LRP12: variants seen among roughly 807,000 people sequenced by gnomAD.
The protein encoded by LRP12 is low-density lipoprotein receptor-related protein 12.
LRP12 carries 14 observed loss-of-function variants against 66.0 expected under a neutral mutation model. That is an observed-to-expected ratio of 0.21 (90% CI 0.14 to 0.33). The LOEUF (loss-of-function observed/expected upper bound fraction) is 0.33, where lower values mean the gene tolerates loss of function less well. LRP12 is among the 10% of genes least tolerant of loss of function. LRP12 has a pLI of 1.00. For missense variants in LRP12, 889 were observed against 1,053.4 expected (o/e 0.84, Z 2.16); for synonymous variants, 357 against 359.1 (o/e 0.99, Z 0.07).
At chr8:104,521,821 G>T (rs1811157179) in intron 2 of LRP12, among the ~76,000 whole-genome samples, 2 of 151,644 alleles carry the variant, frequency 1.3e-5, no homozygotes, top group African/African-American at 4.8e-5. Flanking sequence ...TATAACACTG[G>T]TCAAAAGAAC....
chr8:104,523,792 A>G (rs1343706540), intron 2 of LRP12, among the ~76,000 whole-genome samples: 1 of 152,204 alleles, frequency 6.6e-6, no homozygotes, highest in Non-Finnish European at 1.5e-5. Flanking sequence ...CTGTAGACTG[A>G]GGTCTGCAAC....
rs117997269 is a variant in LRP12 at position 104,521,345 on chromosome 8, A to G, written c.136+10562T>C. On this transcript the variant is annotated intron_variant, in intron 2 of 6. Transcript: ENST00000276654. ...TGTAACATAAAAATATAACATAATT[A>G]TTTTGTTATAAATACATAATTGTTC... 6.1e-3 allele frequency among the ~76,000 whole-genome samples: 919 copies of G among 151,568 alleles called. 6 individuals carry two copies. Among genetic ancestry groups the G allele is most frequent in the Middle Eastern group, 0.048 (14 of 290 alleles).
Position 104,491,429 on chromosome 8 carries a change from A to G in LRP12, c.1824T>C (p.Asn608=). 6.2e-7 allele frequency: 1 copy of G among 1,614,138 alleles called. No homozygotes were observed. Among genetic ancestry groups the G allele is most frequent in the Non-Finnish European group, 8.5e-7 (1 of 1,180,018 alleles). ...ACCCAGAATGACGTGATCTTGCAAA[A>G]TTAAAAATACGGTTCCAAATGTTGC... The part of the protein sequence containing the change: ...RSSNIWNRIF[N]FARSRHSGSL... The change falls in exon 7 of 7, where the codon AAT becomes AAC. Residue 608 remains asparagine, a synonymous_variant. Transcript: ENST00000276654.
chr8:104,516,459 A>C (rs1388572816), intron 2 of LRP12, among the ~76,000 whole-genome samples: 2 of 152,160 alleles, frequency 1.3e-5, no homozygotes, highest in East Asian at 3.8e-4. Flanking sequence ...TCAATTAAGA[A>C]AGGGAGAATT....
chr8:104,567,962 T>G (rs1278918552), intron 1 of LRP12, among the ~76,000 whole-genome samples: 1 of 152,102 alleles, frequency 6.6e-6, no homozygotes, highest in African/African-American at 2.4e-5. Context: ...AAATCCAGAA[T>G]AGCAAAAACA....
chr8:104,574,740 C>T lies in LRP12; in HGVS notation c.79+14079G>A, dbSNP rs189346681. 1.8e-4 allele frequency among the ~76,000 whole-genome samples: 27 copies of T among 152,272 alleles called. No homozygotes were observed. In the East Asian group the frequency reaches 5.0e-3, roughly 28 times the overall value. On this transcript the variant is annotated intron_variant, in intron 1 of 6. Coordinates refer to ENST00000276654, the MANE Select transcript of LRP12 (RefSeq NM_013437.5). ...ATGTAGAGCTTCTCATTAATAATTA[C>T]TTTCTACTGATCACGTGTTGAAATG...
At chr8:104,578,369 A>G (rs935604281) in intron 1 of LRP12, among the ~76,000 whole-genome samples, 1 of 152,174 alleles carries the variant, frequency 6.6e-6, no homozygotes, top group Non-Finnish European at 1.5e-5. Flanking sequence ...TGAACAAGCT[A>G]ATAACAAACT....
At chr8:104,525,487 T>C (rs546001112) in intron 2 of LRP12, among the ~76,000 whole-genome samples, 4 of 152,074 alleles carry the variant, frequency 2.6e-5, no homozygotes, top group Non-Finnish European at 5.9e-5. Flanking sequence ...GAACCAAAAA[T>C]ATATTATTAA....
At chr8:104,493,744 G>A (rs184768325) in intron 6 of LRP12, among the ~76,000 whole-genome samples, 269 of 152,308 alleles carry the variant, frequency 1.8e-3, no homozygotes, top group African/African-American at 6.0e-3. Context: ...CCGGACACCC[G>A]AGGCCTGGGT....
chr8:104,497,631 A>G lies in LRP12; in HGVS notation c.921T>C (p.Asp307=), dbSNP rs946256783. 2 of 1,614,008 alleles carry G rather than the reference A, an allele frequency of 1.2e-6. No homozygotes were observed. The highest frequency in any genetic ancestry group is 1.7e-6 in the Non-Finnish European group (2 of 1,180,024). ...VILRFTDFKL[D]GTGYGDYVKI... is the part of the protein sequence containing the mutation. ...TGACATAATCACCATAACCAGTACC[A>G]TCAAGTTTAAAGTCAGTGAAGCGTA... The change falls in exon 5 of 7, where the codon GAT becomes GAC. Residue 307 remains aspartate (D), a synonymous_variant. Transcript: ENST00000276654. This position sits in a 1 kb window ranked among gnomAD's most constrained non-coding sequence, Gnocchi z 4.3.
intron 1 of LRP12, among the ~76,000 whole-genome samples, chr8:104,537,557 C>T (rs917922089): frequency 8.7e-4 from 133 of 152,174 alleles, no homozygotes; most frequent in African/African-American, 3.1e-3. Flanking sequence ...GAAGTCCACC[C>T]ACACCTTAGG....
chr8:104,548,416 TTAATAATTAA>T (rs1564142369), intron 1 of LRP12, among the ~76,000 whole-genome samples: 18 of 105,278 alleles, frequency 1.7e-4, no homozygotes, highest in African/African-American at 7.3e-4. Flanking sequence ...ATATGATATA[TTAATAATTAA>T]AATATATAAT....
chr8:104,523,317 C>CAT (rs1293647305), intron 2 of LRP12, among the ~76,000 whole-genome samples: 4 of 152,044 alleles, frequency 2.6e-5, no homozygotes, highest in Admixed American at 2.6e-4. Context: ...CATTTACTAC[C>CAT]ATAAAAAATA....
At chr8:104,565,446 T>C (rs1360167917) in intron 1 of LRP12, among the ~76,000 whole-genome samples, 1 of 151,926 alleles carries the variant, frequency 6.6e-6, no homozygotes, top group Non-Finnish European at 1.5e-5. Context: ...AAGGATAAAA[T>C]AACATACACA....
At chr8:104,507,466 T>C (rs1159966533) in intron 3 of LRP12, 1 of 152,188 alleles carries the variant, frequency 6.6e-6, no homozygotes, top group Admixed American at 6.5e-5. Context: ...TCCTCTGTGC[T>C]GGTAAGATTT....
chr8:104,498,213 G>T (rs550003396), intron 4 of LRP12, 137 bp from the exon 5 acceptor site: 1 of 869,088 alleles, frequency 1.2e-6, no homozygotes, highest in South Asian at 2.0e-5. Context: ...AAAACAGGTT[G>T]GTTTTTTAAT....
At position 104,497,231 on chromosome 8, in the gene LRP12, T is replaced by A; in HGVS notation, c.1321A>T (p.Asn441Tyr). 1 of 1,613,710 alleles carries A rather than the reference T, an allele frequency of 6.2e-7. No homozygotes were observed. Among genetic ancestry groups the A allele is most frequent in the Non-Finnish European group, 8.5e-7 (1 of 1,179,872 alleles). The change falls in exon 5 of 7, where the codon AAT becomes TAT. Residue 441 changes from asparagine to tyrosine, a missense_variant. By Grantham distance (143) the Asn-to-Tyr change is moderately radical. Around this residue, in one of 3 missense-constraint regions of LRP12, gnomAD observed 800 missense variants for 964.5 expected, o/e 0.83. Transcript: ENST00000276654. The surrounding 1 kb of genome is among the most constrained non-coding windows in gnomAD (Gnocchi z 4.3). ...DRCNYQNHCP[N>Y]GSDEKNCFFC... ...AAGCAGTTTTTTTCATCTGAGCCAT[T>A]TGGGCAATGATTCTGGTAGTTGCAG...
intron 1 of LRP12, among the ~76,000 whole-genome samples, chr8:104,543,177 A>G (rs1262165209): frequency 1.3e-5 from 2 of 151,916 alleles, no homozygotes; most frequent in African/African-American, 2.4e-5. Context: ...TACTTTGCAG[A>G]TACAGTGTTG....
At chr8:104,580,839 T>C (rs1033959494) in intron 1 of LRP12, among the ~76,000 whole-genome samples, 1 of 152,216 alleles carries the variant, frequency 6.6e-6, no homozygotes, top group Non-Finnish European at 1.5e-5. Context: ...TTGGGAGAAG[T>C]GTAATTAGTT....
Sources: gnomAD v4.1 joint callset for allele counts (sites outside exome capture counted in the v4.1 genomes callset) on GRCh38, gnomAD v4.1.1 for gene constraint, gnomAD v4.1.1 regional missense constraint, Gnocchi (gnomAD v3.1) non-coding constraint, MANE v1.5 for transcripts, NCBI Gene and HGNC (gene_info 2026-07-23, HGNC 2026-07-21) for gene names.